The following LARGE1 variants were observed in gnomAD, a reference collection of about 807,000 sequenced individuals.
LARGE1 encodes the protein LARGE xylosyl- and glucuronyltransferase 1, also known as xylosyl- and glucuronyltransferase LARGE1.
Under a neutral mutation model 87.6 loss-of-function variants are expected in LARGE1, and 43 were observed. That is an observed-to-expected ratio of 0.49 (90% confidence interval 0.38 to 0.63). The LOEUF (loss-of-function observed/expected upper bound fraction) is 0.63, where lower values mean the gene tolerates loss of function less well. Ranked by LOEUF, LARGE1 falls within the 30% of genes least tolerant of loss-of-function variation. The pLI is 0.00. For synonymous variants in LARGE1, 434 were observed against 394.6 expected (o/e 1.10, Z -1.18); for missense variants, 802 against 1,000.2 (o/e 0.80, Z 2.67).
chr22:33,548,654 A>G (rs1343797896), intron 6 of LARGE1, among the ~76,000 whole-genome samples: 1 of 152,148 alleles, frequency 6.6e-6, no homozygotes, highest in African/African-American at 2.4e-5. Context: ...ACCTCAGGTG[A>G]TCCGCCTGTC....
the LARGE1 span, among the ~76,000 whole-genome samples, chr22:33,093,497 C>A: frequency 6.6e-6 from 1 of 152,158 alleles, no homozygotes; most frequent in Admixed American, 6.5e-5. Context: ...TAAATAATTT[C>A]AGTAAACGTA....
At chr22:33,864,278 CAA>C (rs2064021212) in intron 1 of LARGE1, among the ~76,000 whole-genome samples, 1 of 152,146 alleles carries the variant, frequency 6.6e-6, no homozygotes, top group South Asian at 2.1e-4. Context: ...TAGGACCCAG[CAA>C]AGACATGGAG....
intron 1 of LARGE1, among the ~76,000 whole-genome samples, chr22:33,792,144 T>C (rs898289063): frequency 1.3e-5 from 2 of 152,182 alleles, no homozygotes; most frequent in Non-Finnish European, 2.9e-5. Context: ...CCTAGGATTA[T>C]ACTTGTTAGG....
chr22:33,261,725 A>G (rs141144605), intron 11 of LARGE1, among the ~76,000 whole-genome samples: 16 of 152,200 alleles, frequency 1.1e-4, no homozygotes, highest in African/African-American at 2.9e-4. Flanking sequence ...AATGAGACTC[A>G]GAATCAGAAG....
chr22:33,843,875 C>T lies in LARGE1; in HGVS notation c.-83+76120G>A, dbSNP rs116898525. Among the ~76,000 whole-genome samples the T allele has an allele frequency of 1.3e-3, 196 of 152,104 alleles. 5 individuals carry two copies. In the East Asian group the frequency reaches 0.032, roughly 25 times the overall value. Reference sequence around the variant, plus strand: ...GGCGGATCACCTGAAGTCAGCAGTTCGAGACCAGGCTGCCCAACACATTAA... The same window carrying T: ...GGCGGATCACCTGAAGTCAGCAGTTTGAGACCAGGCTGCCCAACACATTAA... On this transcript the variant is annotated intron_variant, in intron 1 of 14. Coordinates refer to ENST00000397394, the MANE Select transcript of LARGE1 (RefSeq NM_133642.5).
chr22:33,139,537 C>T, the LARGE1 span, among the ~76,000 whole-genome samples: 1 of 151,892 alleles, frequency 6.6e-6, no homozygotes, highest in Non-Finnish European at 1.5e-5. Flanking sequence ...TTTGCTGATT[C>T]TTTCTTCTGA....
chr22:33,598,081 C>T (rs1363294639), intron 5 of LARGE1, among the ~76,000 whole-genome samples: 1 of 152,168 alleles, frequency 6.6e-6, no homozygotes, highest in Non-Finnish European at 1.5e-5. Flanking sequence ...AACCTGCCCC[C>T]ATCAAAAGCT....
At chr22:33,750,753 G>C (rs2084285399) in intron 2 of LARGE1, 2 of 152,078 alleles carry the variant, frequency 1.3e-5, no homozygotes, top group African/African-American at 4.8e-5. Flanking sequence ...TACTGGTCTT[G>C]TTTCCAACTG....
chr22:33,489,332 ATCAT>A (rs1439746405), intron 6 of LARGE1, among the ~76,000 whole-genome samples: 1 of 152,190 alleles, frequency 6.6e-6, no homozygotes, highest in Non-Finnish European at 1.5e-5. Flanking sequence ...CAAACTGTCA[ATCAT>A]TCATTCAAGA....
chr22:33,323,333 C>T (rs1258655406), intron 10 of LARGE1, among the ~76,000 whole-genome samples: 5 of 152,156 alleles, frequency 3.3e-5, no homozygotes, highest in Admixed American at 1.3e-4. Context: ...ATGTGACTGG[C>T]GCAATGCTAA....
At chr22:33,449,855 C>G (rs1601888562) in intron 6 of LARGE1, among the ~76,000 whole-genome samples, 2 of 152,294 alleles carry the variant, frequency 1.3e-5, no homozygotes, top group African/African-American at 4.8e-5. Context: ...AGACTGCGTC[C>G]CTCATGTTTA....
At chr22:33,366,006 G>C (rs2064576143) in intron 9 of LARGE1, among the ~76,000 whole-genome samples, 2 of 152,194 alleles carry the variant, frequency 1.3e-5, no homozygotes, top group African/African-American at 2.4e-5. Flanking sequence ...ATGCGTTTTT[G>C]ATGTCTTGTT....
At chr22:33,892,159 T>C (rs1042534285) in intron 1 of LARGE1, among the ~76,000 whole-genome samples, 5 of 152,110 alleles carry the variant, frequency 3.3e-5, no homozygotes, top group Non-Finnish European at 5.9e-5. Flanking sequence ...TGTTGCATAA[T>C]AATGCTACCT....
At chr22:33,462,007 CTA>C (rs754083373) in intron 6 of LARGE1, among the ~76,000 whole-genome samples, 3 of 152,170 alleles carry the variant, frequency 2.0e-5, no homozygotes, top group Non-Finnish European at 4.4e-5. Flanking sequence ...CTAACAGAAA[CTA>C]TGAGACATAA....
intron 2 of LARGE1, among the ~76,000 whole-genome samples, chr22:33,668,421 G>A (rs2081323107): frequency 6.6e-6 from 1 of 152,182 alleles, no homozygotes; most frequent in Non-Finnish European, 1.5e-5. Flanking sequence ...ATGAGATGAA[G>A]CACTAGAGGC....
At chr22:33,588,175 AG>A (rs981627881) in intron 5 of LARGE1, among the ~76,000 whole-genome samples, 2 of 152,232 alleles carry the variant, frequency 1.3e-5, no homozygotes, top group East Asian at 3.8e-4. Flanking sequence ...AGCAGAAAGA[AG>A]AGCCGAGGGG....
chr22:33,329,344 G>A (rs1433232024), intron 10 of LARGE1, among the ~76,000 whole-genome samples: 1 of 151,748 alleles, frequency 6.6e-6, no homozygotes, highest in African/African-American at 2.4e-5. Flanking sequence ...TGGATGTTTG[G>A]TATGTTTCAT....
the LARGE1 span, among the ~76,000 whole-genome samples, chr22:33,146,326 C>A: frequency 6.6e-6 from 1 of 152,128 alleles, no homozygotes; most frequent in African/African-American, 2.4e-5. Flanking sequence ...CCCATTCTCC[C>A]TTTCTTCTAC....
At chr22:33,628,570 C>T (rs956725240) in intron 3 of LARGE1, among the ~76,000 whole-genome samples, 1 of 152,158 alleles carries the variant, frequency 6.6e-6, no homozygotes, top group Non-Finnish European at 1.5e-5. Flanking sequence ...CTCACCTTGA[C>T]CTCCCAAAGT....
Sources: allele counts gnomAD v4.1 joint callset (sites outside exome capture counted in the v4.1 genomes callset), GRCh38; gene constraint gnomAD v4.1.1; transcripts MANE v1.5; gene names NCBI Gene and HGNC (gene_info 2026-07-23, HGNC 2026-07-21).